The following GPHN variants were observed in gnomAD, a reference collection of about 807,000 sequenced individuals.
The protein encoded by GPHN is gephyrin.
GPHN carries 17 observed loss-of-function variants against 95.5 expected under a neutral mutation model. The observed-to-expected ratio is 0.18, with a 90% CI of 0.12 to 0.27. The LOEUF is 0.27. Ranked by LOEUF, GPHN falls within the 10% of genes least tolerant of loss-of-function variation. The pLI, the probability that GPHN is intolerant of heterozygous loss-of-function variation, is 1.00. For synonymous variants in GPHN, 320 were observed against 322.5 expected, an observed-to-expected ratio of 0.99 and a Z score of 0.08; for missense variants, 660 against 978.1, an observed-to-expected ratio of 0.67 and a Z score of 4.34.
chr14:67,700,955 C>T, the GPHN span, among the ~76,000 whole-genome samples: 3 of 132,720 alleles, frequency 2.3e-5, no homozygotes, highest in Admixed American at 1.8e-4. Flanking sequence ...ACCTGGGAGG[C>T]GGAGGTTGCA....
At chr14:67,449,308 G>A in the GPHN span, among the ~76,000 whole-genome samples, 8 of 152,218 alleles carry the variant, frequency 5.3e-5, no homozygotes, top group Non-Finnish European at 1.0e-4. Flanking sequence ...GATAGAGGCT[G>A]CATTGGATAT....
the GPHN span, among the ~76,000 whole-genome samples, chr14:67,497,381 G>A: frequency 0.14 from 21,229 of 151,970 alleles, 1,660 homozygotes; most frequent in East Asian, 0.22. Flanking sequence ...GGCCGAGAAC[G>A]CAGGTATCCC....
the GPHN span, among the ~76,000 whole-genome samples, chr14:67,408,689 A>G: frequency 6.6e-6 from 1 of 152,202 alleles, no homozygotes; most frequent in East Asian, 1.9e-4. Flanking sequence ...GAAGCTAGGA[A>G]GGATCCTCCT....
intron 11 of GPHN, among the ~76,000 whole-genome samples, chr14:67,081,026 C>G (rs1308916315): frequency 6.6e-6 from 1 of 152,158 alleles, no homozygotes; most frequent in African/African-American, 2.4e-5. Context: ...GGCATTTGGG[C>G]TGGTTCCATA....
intron 8 of GPHN, among the ~76,000 whole-genome samples, chr14:66,932,138 G>A (rs940821110): frequency 2.0e-5 from 3 of 152,184 alleles, no homozygotes; most frequent in Admixed American, 6.5e-5. Flanking sequence ...AGGTACTGCC[G>A]TGGTGGTCTT....
chr14:67,202,224 C>G, the GPHN span, among the ~76,000 whole-genome samples: 1 of 152,092 alleles, frequency 6.6e-6, no homozygotes, highest in East Asian at 1.9e-4. Flanking sequence ...GTGGATCACC[C>G]GAGGTCAGGA....
the GPHN span, chr14:67,411,975 G>T: frequency 6.6e-7 from 1 of 1,506,274 alleles, no homozygotes; most frequent in Non-Finnish European, 8.9e-7. Context: ...CGCGTCGGCG[G>T]GGCCCCACCC....
chr14:66,824,441 T>C (rs2061321017), intron 3 of GPHN, 33 bp from the exon 4 acceptor site: 3 of 1,162,428 alleles, frequency 2.6e-6, no homozygotes, highest in Non-Finnish European at 3.9e-6. Flanking sequence ...GGCAAATTTT[T>C]CTGCACATGA....
chr14:67,261,232 C>A, the GPHN span, among the ~76,000 whole-genome samples: 3 of 152,104 alleles, frequency 2.0e-5, no homozygotes, highest in Non-Finnish European at 1.5e-5. Context: ...GAAAGTTAAT[C>A]TGGCAATACT....
chr14:66,890,371 A>G (rs1301766127), intron 5 of GPHN, among the ~76,000 whole-genome samples: 2 of 148,004 alleles, frequency 1.4e-5, no homozygotes, highest in Non-Finnish European at 3.0e-5. Flanking sequence ...GATCATGCGC[A>G]CTGCGCTCCA....
At chr14:66,557,241 A>ATAGG (rs1441158591) in intron 1 of GPHN, among the ~76,000 whole-genome samples, 2 of 91,508 alleles carry the variant, frequency 2.2e-5, no homozygotes, top group African/African-American at 6.6e-5. Context: ...AGGTAGGTAG[A>ATAGG]TAGATAGATA....
chr14:66,724,988 C>G (rs981506139), intron 2 of GPHN, among the ~76,000 whole-genome samples: 1 of 152,114 alleles, frequency 6.6e-6, no homozygotes, highest in Admixed American at 6.6e-5. Context: ...GTGACTGTGT[C>G]TGGTCTTTAG....
At chr14:66,776,794 G>T (rs1421788500) in intron 3 of GPHN, among the ~76,000 whole-genome samples, 3 of 152,022 alleles carry the variant, frequency 2.0e-5, no homozygotes, top group African/African-American at 7.3e-5. Context: ...AAAACACTGT[G>T]TATAAGCATT....
At chr14:66,846,367 C>G (rs945029334) in intron 4 of GPHN, among the ~76,000 whole-genome samples, 1 of 152,110 alleles carries the variant, frequency 6.6e-6, no homozygotes, top group African/African-American at 2.4e-5. Context: ...AATCTGTAGT[C>G]TGCTAGGAAT....
At chr14:67,360,048 C>T in the GPHN span, 1 of 446,566 alleles carries the variant, frequency 2.2e-6, no homozygotes, top group East Asian at 3.5e-5. Context: ...AGCGTGCACG[C>T]CTTGTCTTTC....
the GPHN span, among the ~76,000 whole-genome samples, chr14:67,700,072 G>A: frequency 1.3e-5 from 2 of 151,958 alleles, no homozygotes; most frequent in Admixed American, 6.6e-5. Context: ...CCTGGGAGGC[G>A]GAGGTTGCAG....
intron 9 of GPHN, among the ~76,000 whole-genome samples, chr14:66,999,554 T>G (rs746468278): frequency 3.3e-5 from 5 of 151,926 alleles, no homozygotes; most frequent in African/African-American, 4.8e-5. Context: ...TGCCAGTTAT[T>G]TCTTGGCCTT....
the GPHN span, chr14:67,471,917 T>G: frequency 6.6e-6 from 1 of 152,226 alleles, no homozygotes; most frequent in Admixed American, 6.5e-5. Context: ...CCATGTACCA[T>G]GGGGTGGGCC....
the GPHN span, chr14:67,691,186 C>T: frequency 8.1e-6 from 13 of 1,613,944 alleles, no homozygotes; most frequent in Admixed American, 6.7e-5. Flanking sequence ...CTGCTGTCTT[C>T]GAGTACGGAC....
Sources: allele counts gnomAD v4.1 joint callset (sites outside exome capture counted in the v4.1 genomes callset), GRCh38; gene constraint gnomAD v4.1.1; transcripts MANE v1.5; gene names NCBI Gene and HGNC (gene_info 2026-07-23, HGNC 2026-07-21).